The following DNAH1 variants were observed in gnomAD, a reference collection of about 807,000 sequenced individuals.
DNAH1 encodes dynein axonemal heavy chain 1.
A neutral mutation model predicts 484.3 loss-of-function variants in DNAH1; 327 were observed. That is an observed-to-expected ratio of 0.68 (90% CI 0.62 to 0.74). DNAH1 has a LOEUF of 0.74. Among genes scored for constraint, DNAH1 ranks in the 30% least tolerant of loss-of-function variants. DNAH1 has a pLI of 0.00. For missense variants in DNAH1, 5,052 were observed against 5,546.8 expected (o/e 0.91, Z 2.83); for synonymous variants, 2,192 against 2,191.9 (o/e 1.00, Z 0.00).
At position 52,328,017 on chromosome 3, in the gene DNAH1, G is replaced by A. The variant is rs200262632; in HGVS notation, c.871+3G>A. 5.4e-4 allele frequency: 877 copies of A among 1,613,292 alleles called. 5 individuals are homozygous for A. In the East Asian group the frequency reaches 8.0e-3, roughly 15 times the overall value. On this transcript the variant is annotated splice_donor_region_variant and intron_variant, in intron 6 of 77. Transcript: ENST00000420323. ...CACTGATGACTTCCTGGGGCATGGT[G>A]AGCAAGGCCACTCTGGAGTGGGGAC...
rs996549204 is a variant in DNAH1, at chr3:52,364,329, C to T, written c.5245-309C>T. On this transcript the variant is annotated intron_variant, in intron 32 of 77. Coordinates refer to ENST00000420323, the MANE Select transcript of DNAH1 (RefSeq NM_015512.5). The surrounding 1 kb of genome is among the most constrained non-coding windows in gnomAD (Gnocchi z 4.2). Reference sequence around the variant, plus strand: ...TGCACAGATGGGAAACTCCTTCATTCACTTTTCCAGCACAACTAGAGGGCC... The same window carrying T: ...TGCACAGATGGGAAACTCCTTCATTTACTTTTCCAGCACAACTAGAGGGCC... Among the ~76,000 whole-genome samples, 1 of 152,238 alleles carries T rather than the reference C, an allele frequency of 6.6e-6. No individual in the cohort carries two copies. The highest frequency in any genetic ancestry group is 2.4e-5 in the African/African-American group (1 of 41,460).
rs1578111078 is a variant in DNAH1 at position 52,346,362 on chromosome 3, C to CA, written c.1657-109dup. ...GGGGTAGGGGACATCCCTCCACAGT[C>CA]AGATGAGCCCTGAGCCGCCCCAAGC... On this transcript the variant is annotated intron_variant, in intron 10 of 77. Transcript: ENST00000420323. The CA allele has an allele frequency of 1.4e-5, 16 of 1,157,570 alleles. No homozygotes were observed. In the East Asian group the frequency reaches 4.1e-4, roughly 30 times the overall value. 71.7% of individuals were successfully genotyped at this position (1,157,570 alleles called of 1,614,324 possible).
At chr3:52,391,357 G>T (rs1209222397) in intron 62 of DNAH1, 29 bp downstream of exon 62, 2 of 1,598,100 alleles carry the variant, frequency 1.3e-6, no homozygotes, top group Admixed American at 1.8e-5. Flanking sequence ...TGGCAGGGTG[G>T]CAGTAGGCCT....
At chr3:52,352,379 A>C (rs1430630099) in intron 17 of DNAH1, among the ~76,000 whole-genome samples, 173 bp from the exon 18 acceptor site, 1 of 152,044 alleles carries the variant, frequency 6.6e-6, no homozygotes, top group Non-Finnish European at 1.5e-5. Context: ...GTGTCAGTGC[A>C]TTGGGTCTCC....
In DNAH1 at chr3:52,355,620, G is replaced by T. The variant is rs905051543; in HGVS notation, c.3693+565G>T. Among the ~76,000 whole-genome samples, 1 of 152,210 alleles carries T rather than the reference G, an allele frequency of 6.6e-6. No individual in the cohort carries two copies. Among genetic ancestry groups the T allele is most frequent in the Non-Finnish European group, 1.5e-5 (1 of 68,018 alleles). On this transcript the variant is annotated intron_variant, in intron 21 of 77. Transcript: ENST00000420323. This position sits in a 1 kb window ranked among gnomAD's most constrained non-coding sequence, Gnocchi z 4.5. Reference sequence around the variant, plus strand: ...CTGCAGGTGTGATATCCCCTTCCCCGGGCCTCCCTGATAGCTGCTCAGAGA... The same window carrying T: ...CTGCAGGTGTGATATCCCCTTCCCCTGGCCTCCCTGATAGCTGCTCAGAGA...
chr3:52,367,436 A>G (rs1236246970), intron 36 of DNAH1, among the ~76,000 whole-genome samples: 1 of 151,938 alleles, frequency 6.6e-6, no homozygotes, highest in African/African-American at 2.4e-5. Context: ...ACCTTCCACA[A>G]CGTGAACCTG....
chr3:52,374,945 T>C, intron 44 of DNAH1: 4 of 450,518 alleles, frequency 8.9e-6, no homozygotes, highest in South Asian at 2.2e-5. Flanking sequence ...TTTTATAAGA[T>C]AGGACTATGT....
At chr3:52,339,377 G>A (rs754045925) in intron 8 of DNAH1, among the ~76,000 whole-genome samples, 16 of 151,270 alleles carry the variant, frequency 1.1e-4, no homozygotes, top group Non-Finnish European at 1.8e-4. Flanking sequence ...CTTCCTCCCC[G>A]TGATACTTTT....
chr3:52,397,684 C>T, intron 73 of DNAH1, 23 bp from the exon 74 acceptor site: 7 of 1,569,444 alleles, frequency 4.5e-6, no homozygotes, highest in Admixed American at 1.9e-5. Context: ...CAGGGGCTTC[C>T]ATGTTGGCCT....
rs1578206910 is a variant in DNAH1, at chr3:52,396,392, C to T, written c.11284C>T (p.Leu3762Phe). The T allele has an allele frequency of 6.3e-7, 1 of 1,584,000 alleles. No homozygotes were observed. Among genetic ancestry groups the T allele is most frequent in the Non-Finnish European group, 8.6e-7 (1 of 1,165,706 alleles). ...DKVHRDFRLW[L>F]TSLPSNKFPV... is the part of the protein sequence containing the mutation. Reference sequence around the variant, plus strand: ...GGTACACAGGGACTTCCGCCTCTGGCTCACCAGCCTGCCCAGCAACAAGTT... The same window carrying T: ...GGTACACAGGGACTTCCGCCTCTGGTTCACCAGCCTGCCCAGCAACAAGTT... Residue 3762 changes from leucine (L) to phenylalanine (F), a missense_variant, in exon 71 of 78, where the codon CTC (leucine) becomes TTC (phenylalanine). Leu to Phe is a conservative substitution (Grantham distance 22). Around this residue, in one of 4 missense-constraint regions of DNAH1, gnomAD observed 853 missense variants for 899.0 expected, o/e 0.95. Transcript: ENST00000420323.
chr3:52,366,470 G>C lies in DNAH1; in HGVS notation c.5532G>C (p.Lys1844Asn), dbSNP rs748148306. The stretch of plus-strand genomic sequence containing the variant: ...CATGTCCCCCAGGCTTCCTGACAAA[G>C]TGCATCCAGCTCTACGAGACCACGG... ...NLKDVEGFLT[K>N]CIQLYETTVV... is the part of the protein sequence containing the mutation. The change falls in exon 35 of 78, where the codon AAG (lysine) becomes AAC (asparagine). Residue 1844 changes from lysine to asparagine, a missense_variant. Physicochemically the swap from Lys to Asn is moderately conservative, Grantham distance 94. Coordinates refer to ENST00000420323, the MANE Select transcript of DNAH1 (RefSeq NM_015512.5). The C allele has an allele frequency of 5.0e-6, 8 of 1,598,134 alleles. No homozygotes were observed. The highest frequency in any genetic ancestry group is 6.8e-6 in the Non-Finnish European group (8 of 1,172,754).
At chr3:52,344,705 C>A in intron 9 of DNAH1, 58 bp downstream of exon 9, 1 of 1,538,992 alleles carries the variant, frequency 6.5e-7, no homozygotes, top group Non-Finnish European at 8.8e-7. Context: ...AGAGCCCCCT[C>A]CCACCTTCCC....
intron 8 of DNAH1, among the ~76,000 whole-genome samples, chr3:52,343,112 G>C (rs1405258452): frequency 2.0e-5 from 3 of 152,218 alleles, no homozygotes; most frequent in South Asian, 2.1e-4. Flanking sequence ...CCAAGTCTCT[G>C]AGAGTCCAGT....
intron 65 of DNAH1, 137 bp from the exon 66 acceptor site, chr3:52,393,197 A>G: frequency 1.4e-6 from 2 of 1,470,930 alleles, no homozygotes; most frequent in Non-Finnish European, 1.9e-6. Flanking sequence ...GAGCCCCTTC[A>G]CTGGGAACAC....
In DNAH1 at chr3:52,395,794, C is replaced by T. The variant is rs763985501; in HGVS notation, c.11259+116C>T. ...ACTCTGCCCAGCCTCTAGCACGTGG[C>T]AAGTGCTCAGCAACTGACATGTGCC... On this transcript the variant is annotated intron_variant, in intron 70 of 77. Transcript: ENST00000420323. The surrounding 1 kb of genome is among the most constrained non-coding windows in gnomAD (Gnocchi z 4.4). The T allele has an allele frequency of 7.0e-7, 1 of 1,438,082 alleles. No homozygotes were observed. The allele number at this position is 1,438,082 out of a possible 1,614,324, so 89.1% of individuals were successfully genotyped here.
Position 52,361,882 on chromosome 3 carries a change from C to A in DNAH1, c.4980+116C>A. 1 of 1,141,014 alleles carries A rather than the reference C, an allele frequency of 8.8e-7. No individual in the cohort carries two copies. The highest frequency in any genetic ancestry group is 1.2e-6 in the Non-Finnish European group (1 of 803,698). 70.7% of individuals were successfully genotyped at this position (1,141,014 alleles called of 1,614,324 possible). On this transcript the variant is annotated intron_variant, in intron 30 of 77. Coordinates refer to ENST00000420323, the MANE Select transcript of DNAH1 (RefSeq NM_015512.5). This position sits in a 1 kb window ranked among gnomAD's most constrained non-coding sequence, Gnocchi z 5.6. ...AAGGTCCACCCTGGGTCCAGCCTCT[C>A]TTGTCCCGGGGGCACACCCTAACCC...
intron 21 of DNAH1, among the ~76,000 whole-genome samples, chr3:52,356,142 C>T (rs1043658364): frequency 6.6e-6 from 1 of 152,202 alleles, no homozygotes; most frequent in Non-Finnish European, 1.5e-5. Context: ...GGGGAAATGG[C>T]TCATTTTGAA....
intron 10 of DNAH1, 57 bp from the exon 11 acceptor site, chr3:52,346,415 A>G (rs2153223779): frequency 6.6e-7 from 1 of 1,515,606 alleles, no homozygotes; most frequent in Non-Finnish European, 8.9e-7. Context: ...CCCTGAGTGC[A>G]GCTATAGGTC....
chr3:52,347,938 C>A lies in DNAH1; in HGVS notation c.2070C>A (p.Gly690=), dbSNP rs764489877. 6.2e-7 allele frequency: 1 copy of A among 1,610,868 alleles called. No homozygotes were observed. The highest frequency in any genetic ancestry group is 8.5e-7 in the Non-Finnish European group (1 of 1,178,568). The change falls in exon 12 of 78, where the codon GGC becomes GGA. Residue 690 remains glycine, a synonymous_variant. Transcript: ENST00000420323. ...EASLLNLFDK[G]ILATHAVPQL... Reference sequence around the variant, plus strand: ...CTCTGCTGAACCTCTTCGACAAGGGCATCCTGGCCACCCATGCCGTGCCCC... The same window carrying A: ...CTCTGCTGAACCTCTTCGACAAGGGAATCCTGGCCACCCATGCCGTGCCCC...
Sources: gnomAD v4.1 joint callset for allele counts (sites outside exome capture counted in the v4.1 genomes callset) on GRCh38, gnomAD v4.1.1 for gene constraint, gnomAD v4.1.1 regional missense constraint, Gnocchi (gnomAD v3.1) non-coding constraint, MANE v1.5 for transcripts, NCBI Gene and HGNC (gene_info 2026-07-23, HGNC 2026-07-21) for gene names.